The following SLIT1 variants were observed in gnomAD, a reference collection of about 807,000 sequenced individuals.
SLIT1 encodes slit guidance ligand 1, also known as slit homolog 1 protein.
In SLIT1, 66 loss-of-function variants were observed where a neutral mutation model predicts 186.1. The ratio of observed to expected loss-of-function variants is 0.35; its 90% CI spans 0.29 to 0.44. The LOEUF (loss-of-function observed/expected upper bound fraction) is 0.44. Among genes scored for constraint, SLIT1 ranks in the 20% least tolerant of loss-of-function variants. The probability of loss-of-function intolerance (pLI) is 1.00; values close to 1 mark genes in which losing one functional copy is unlikely to be tolerated. For synonymous variants in SLIT1, 761 were observed against 833.8 expected (o/e 0.91, Z 1.50); for missense variants, 1,638 against 2,037.4 (o/e 0.80, Z 3.77).
At chr10:97,087,014 G>A (rs1849167193) in intron 4 of SLIT1, among the ~76,000 whole-genome samples, 1 of 151,968 alleles carries the variant, frequency 6.6e-6, no homozygotes, top group Non-Finnish European at 1.5e-5. Flanking sequence ...AATGGGGATG[G>A]GGTAAATTGG....
At chr10:97,176,712 G>C (rs764092866) in intron 1 of SLIT1, among the ~76,000 whole-genome samples, 12 of 151,890 alleles carry the variant, frequency 7.9e-5, no homozygotes, top group Non-Finnish European at 2.9e-5. Context: ...CTCCTCAGAC[G>C]GACTGAATGC....
intron 22 of SLIT1, among the ~76,000 whole-genome samples, chr10:97,036,020 C>T (rs183103197): frequency 6.6e-6 from 1 of 152,308 alleles, no homozygotes; most frequent in East Asian, 1.9e-4. Flanking sequence ...TATGCGCTCC[C>T]TCCCCTCCCC....
chr10:97,021,216 C>T lies in SLIT1; in HGVS notation c.2746+34G>A. 1 of 1,599,914 alleles carries T rather than the reference C, an allele frequency of 6.3e-7. No individual in the cohort carries two copies. Among genetic ancestry groups the T allele is most frequent in the African/African-American group, 1.3e-5 (1 of 74,840 alleles). ...GCAGTGTTGGGCAAGTTCTGTGAGCCCCCAGCAGCAGGAGGCTGTGCTCCT... is the reference window on the plus strand; with the variant it reads ...GCAGTGTTGGGCAAGTTCTGTGAGCTCCCAGCAGCAGGAGGCTGTGCTCCT... On this transcript the variant is annotated intron_variant, in intron 26 of 36. Coordinates refer to ENST00000266058, the MANE Select transcript of SLIT1 (RefSeq NM_003061.3). This position sits in a 1 kb window ranked among gnomAD's most constrained non-coding sequence, Gnocchi z 4.5.
At chr10:97,114,218 C>A (rs1028662220) in intron 4 of SLIT1, among the ~76,000 whole-genome samples, 1 of 152,174 alleles carries the variant, frequency 6.6e-6, no homozygotes, top group African/African-American at 2.4e-5. Context: ...CATGGAGCAG[C>A]CACGGAGGCC....
chr10:97,159,642 ATGAAGT>A (rs917504451), intron 3 of SLIT1, among the ~76,000 whole-genome samples: 2 of 152,214 alleles, frequency 1.3e-5, no homozygotes, highest in African/African-American at 4.8e-5. Context: ...GGCGAGGGAC[ATGAAGT>A]TTACTGAGAA....
intron 3 of SLIT1, among the ~76,000 whole-genome samples, chr10:97,162,843 G>A (rs1392092672): frequency 1.4e-5 from 2 of 143,706 alleles, no homozygotes; most frequent in African/African-American, 2.6e-5. Context: ...TTTTTTCATC[G>A]TTGCCAAACT....
At chr10:97,183,092 A>G (rs1850363769) in intron 1 of SLIT1, among the ~76,000 whole-genome samples, 1 of 152,112 alleles carries the variant, frequency 6.6e-6, no homozygotes, top group South Asian at 2.1e-4. Context: ...GTGCTTGGCA[A>G]AATCCAAACC....
At chr10:97,176,109 G>A (rs1030392035) in intron 1 of SLIT1, among the ~76,000 whole-genome samples, 1 of 152,170 alleles carries the variant, frequency 6.6e-6, no homozygotes, top group Admixed American at 6.5e-5. Context: ...GCACGTCTCA[G>A]AGCCTCAAGA....
At chr10:97,095,393 C>T (rs140980664) in intron 4 of SLIT1, among the ~76,000 whole-genome samples, 2 of 152,358 alleles carry the variant, frequency 1.3e-5, no homozygotes, top group East Asian at 3.9e-4. Context: ...TATGGACCAA[C>T]CACTACTTCC....
intron 4 of SLIT1, among the ~76,000 whole-genome samples, chr10:97,114,578 G>T (rs1849493698): frequency 6.6e-6 from 1 of 152,120 alleles, no homozygotes; most frequent in Non-Finnish European, 1.5e-5. Context: ...AGGATCAGTT[G>T]AGCCCAAGAG....
intron 4 of SLIT1, among the ~76,000 whole-genome samples, chr10:97,078,807 C>T (rs1321500361): frequency 6.6e-6 from 1 of 152,240 alleles, no homozygotes; most frequent in Non-Finnish European, 1.5e-5. Flanking sequence ...CGGGCTTACT[C>T]AACACCAGGT....
At chr10:97,078,911 C>T (rs1375448453) in intron 4 of SLIT1, among the ~76,000 whole-genome samples, 1 of 152,240 alleles carries the variant, frequency 6.6e-6, no homozygotes, top group Non-Finnish European at 1.5e-5. Context: ...CTGTCCCAGG[C>T]ACCTACAAGG....
chr10:97,062,700 A>G (rs1311387801), intron 8 of SLIT1, among the ~76,000 whole-genome samples: 2 of 152,178 alleles, frequency 1.3e-5, no homozygotes, highest in African/African-American at 4.8e-5. Flanking sequence ...GGCCAGGCAC[A>G]GCTGGGGGAG....
At chr10:97,015,430 T>G (rs923958087) in intron 28 of SLIT1, among the ~76,000 whole-genome samples, 1 of 152,342 alleles carries the variant, frequency 6.6e-6, no homozygotes, top group South Asian at 2.1e-4. Context: ...CTGTGGAGAT[T>G]TGGCATAAAA....
intron 1 of SLIT1, among the ~76,000 whole-genome samples, chr10:97,170,333 C>G (rs1850171275): frequency 6.6e-6 from 1 of 152,232 alleles, no homozygotes; most frequent in Non-Finnish European, 1.5e-5. Flanking sequence ...GTTTAAATGT[C>G]TTGATATTTC....
chr10:97,151,588 G>T (rs74353534), intron 4 of SLIT1, among the ~76,000 whole-genome samples: 8,323 of 151,812 alleles, frequency 0.055, 296 homozygotes, highest in South Asian at 0.13. Flanking sequence ...GGGTGGATGG[G>T]TGGAGGGGGT....
At chr10:97,102,930 C>A (rs974515356) in intron 4 of SLIT1, 11 of 152,218 alleles carry the variant, frequency 7.2e-5, no homozygotes, top group Non-Finnish European at 1.6e-4. Flanking sequence ...ATCACCAGGT[C>A]CCTGGCAAGT....
intron 25 of SLIT1, among the ~76,000 whole-genome samples, chr10:97,023,188 A>T (rs1589365918): frequency 6.7e-6 from 1 of 148,878 alleles, no homozygotes; most frequent in African/African-American, 2.5e-5. Flanking sequence ...AGTAGCTGGG[A>T]TTACAGCGTA....
chr10:97,035,325 C>A (rs1258799880), intron 22 of SLIT1, among the ~76,000 whole-genome samples: 1 of 152,144 alleles, frequency 6.6e-6, no homozygotes, highest in East Asian at 1.9e-4. Context: ...CAGTGCCCCC[C>A]TCCCCATGGC....
Sources: allele counts gnomAD v4.1 joint callset (sites outside exome capture counted in the v4.1 genomes callset), GRCh38; gene constraint gnomAD v4.1.1; non-coding constraint Gnocchi (gnomAD v3.1); transcripts MANE v1.5; gene names NCBI Gene and HGNC (gene_info 2026-07-23, HGNC 2026-07-21).